Variants in FHDC1 observed in about 807,000 individuals in gnomAD.
FHDC1 encodes FH2 domain containing 1.
FHDC1 carries 25 observed loss-of-function variants against 52.6 expected under a neutral mutation model. The observed-to-expected ratio is 0.48, with a 90% CI of 0.35 to 0.66. The LOEUF (loss-of-function observed/expected upper bound fraction) is 0.66. Ranked by LOEUF, FHDC1 falls within the 30% of genes least tolerant of loss-of-function variation. The pLI is 0.01. For synonymous variants in FHDC1, 616 were observed against 581.5 expected (o/e 1.06, Z -0.85); for missense variants, 1,459 against 1,452.8 (o/e 1.00, Z -0.07).
the FHDC1 span, among the ~76,000 whole-genome samples, chr4:152,930,993 ACACACTCT>A: frequency 1.5e-3 from 210 of 143,308 alleles, 1 homozygote; most frequent in African/African-American, 4.8e-3. Flanking sequence ...ACACACACAC[ACACACTCT>A]CTCTCTCTCT....
the FHDC1 span, chr4:152,927,735 A>G: frequency 1.4e-6 from 2 of 1,443,194 alleles, no homozygotes; most frequent in East Asian, 2.3e-5. Context: ...TCTCGACAGC[A>G]GGAACTAATA....
At chr4:152,946,892 TAGAA>T (rs1361103559) in intron 2 of FHDC1, among the ~76,000 whole-genome samples, 1 of 152,086 alleles carries the variant, frequency 6.6e-6, no homozygotes, top group Non-Finnish European at 1.5e-5. Context: ...TGGCTGAACT[TAGAA>T]AGAACAACAC....
chr4:152,949,053 C>T (rs1038739384), intron 2 of FHDC1, among the ~76,000 whole-genome samples: 1 of 149,650 alleles, frequency 6.7e-6, no homozygotes, highest in African/African-American at 2.5e-5. Context: ...AGTGCCACTG[C>T]ACTCCAGCCT....
At chr4:152,952,108 T>C (rs1231954129) in intron 2 of FHDC1, among the ~76,000 whole-genome samples, 1 of 152,196 alleles carries the variant, frequency 6.6e-6, no homozygotes, top group Admixed American at 6.5e-5. Flanking sequence ...CGTTTTAAAA[T>C]TGTGAGTAAA....
At position 152,976,839 on chromosome 4, in the gene FHDC1, A is replaced by G; in HGVS notation, c.*116A>G. ...TACAGATAAAGCAGCCACTGGTGCCACTGCTAGTGACGCTGTTGGGATGGC... is the reference window on the plus strand; with the variant it reads ...TACAGATAAAGCAGCCACTGGTGCCGCTGCTAGTGACGCTGTTGGGATGGC... On this transcript the variant is annotated 3_prime_UTR_variant, in exon 12 of 12. Coordinates refer to ENST00000511601, the MANE Select transcript of FHDC1 (RefSeq NM_001371116.1). The G allele has an allele frequency of 7.6e-7, 1 of 1,311,200 alleles. No individual in the cohort carries two copies. The highest frequency in any genetic ancestry group is 1.5e-5 in the African/African-American group (1 of 67,350). The allele number at this position is 1,311,200 out of a possible 1,614,324, so 81.2% of individuals were successfully genotyped here. A position where few individuals can be genotyped will look rare whatever the true frequency, so the allele number is the denominator to read the frequency against.
At chr4:152,920,672 G>A in the FHDC1 span, among the ~76,000 whole-genome samples, 1 of 152,048 alleles carries the variant, frequency 6.6e-6, no homozygotes, top group Non-Finnish European at 1.5e-5. Flanking sequence ...TTAGTTGAAG[G>A]ATAGAGTTAT....
At chr4:152,944,484 C>T (rs961603374) in intron 2 of FHDC1, among the ~76,000 whole-genome samples, 1 of 152,172 alleles carries the variant, frequency 6.6e-6, no homozygotes, top group Non-Finnish European at 1.5e-5. Context: ...GAAAACAGGT[C>T]AAAGATGCAG....
chr4:152,922,558 A>G, the FHDC1 span, among the ~76,000 whole-genome samples: 1 of 151,182 alleles, frequency 6.6e-6, no homozygotes, highest in South Asian at 2.1e-4. Flanking sequence ...CAACCAAAAA[A>G]GAGAATTTTA....
chr4:152,930,644 G>A, the FHDC1 span, among the ~76,000 whole-genome samples: 3 of 152,230 alleles, frequency 2.0e-5, no homozygotes, highest in Non-Finnish European at 2.9e-5. Context: ...TAGTATTTCC[G>A]ACAAAAAGCT....
chr4:152,941,956 C>G (rs1412351270), intron 1 of FHDC1, among the ~76,000 whole-genome samples: 1 of 152,126 alleles, frequency 6.6e-6, no homozygotes, highest in African/African-American at 2.4e-5. Context: ...GTTCTCGTAT[C>G]TGAAGAAATT....
chr4:152,969,358 G>A (rs1740564917), intron 10 of FHDC1, among the ~76,000 whole-genome samples: 1 of 152,148 alleles, frequency 6.6e-6, no homozygotes, highest in Non-Finnish European at 1.5e-5. Context: ...CATGTGCTCT[G>A]TATTTTCCTT....
the FHDC1 span, among the ~76,000 whole-genome samples, chr4:152,921,004 T>C: frequency 6.6e-6 from 1 of 152,076 alleles, no homozygotes; most frequent in African/African-American, 2.4e-5. Flanking sequence ...TGGTTTGTCC[T>C]GAACATCCCT....
chr4:152,962,648 T>C (rs1740313298), intron 6 of FHDC1, among the ~76,000 whole-genome samples, 166 bp from the exon 7 acceptor site: 1 of 152,258 alleles, frequency 6.6e-6, no homozygotes, highest in East Asian at 1.9e-4. Context: ...AAATGATGTG[T>C]TAGGTATCCC....
In FHDC1 at chr4:152,976,707, A is replaced by G. The variant is rs371544781; in HGVS notation, c.3416A>G (p.Asn1139Ser). 64 of 1,488,028 alleles carry G rather than the reference A, an allele frequency of 4.3e-5. No individual in the cohort carries two copies. In the Admixed American group the frequency reaches 1.2e-3, roughly 27 times the overall value. 92.2% of individuals were successfully genotyped at this position (1,488,028 alleles called of 1,614,324 possible). The change falls in exon 12 of 12, where the codon AAT becomes AGT. Residue 1139 changes from asparagine to serine, a missense_variant. Asn to Ser is a conservative substitution (Grantham distance 46). Around this residue, in one of 3 missense-constraint regions of FHDC1, gnomAD observed 939 missense variants for 854.5 expected, o/e 1.10. Transcript: ENST00000511601. ...CGGACCACGCTGGGGAGAATCCTCA[A>G]TCCCTTACGGAAGTGATGGGTGCCT... Reference protein sequence around the residue: ...SSRTTLGRILNPLRK With the variant: ...SSRTTLGRILSPLRK
At chr4:152,942,516 G>C (rs188213463) in intron 1 of FHDC1, among the ~76,000 whole-genome samples, 2 of 152,264 alleles carry the variant, frequency 1.3e-5, no homozygotes, top group East Asian at 3.9e-4. Flanking sequence ...GTCCAGACTG[G>C]AAAAAGGTAG....
chr4:152,966,123 G>A (rs1740449195), intron 9 of FHDC1, among the ~76,000 whole-genome samples: 1 of 152,148 alleles, frequency 6.6e-6, no homozygotes, highest in Non-Finnish European at 1.5e-5. Context: ...ACTGTAATTA[G>A]TATAAAAATA....
chr4:152,969,975 C>G (rs1420273153), intron 10 of FHDC1, among the ~76,000 whole-genome samples: 1 of 152,158 alleles, frequency 6.6e-6, no homozygotes, highest in South Asian at 2.1e-4. Context: ...TCATTTTTAT[C>G]TCTATAAGTA....
the FHDC1 span, among the ~76,000 whole-genome samples, chr4:152,922,043 C>G: frequency 6.6e-6 from 1 of 152,032 alleles, no homozygotes; most frequent in African/African-American, 2.4e-5. Context: ...CACAAAAAAC[C>G]CTTCAAAAAA....
intron 4 of FHDC1, among the ~76,000 whole-genome samples, chr4:152,957,303 C>T (rs1740118413): frequency 6.6e-6 from 1 of 152,200 alleles, no homozygotes; most frequent in African/African-American, 2.4e-5. Context: ...GTGACTGAGC[C>T]TAGTGCCTGG....
Sources: gnomAD v4.1 joint callset for allele counts (sites outside exome capture counted in the v4.1 genomes callset) on GRCh38, gnomAD v4.1.1 for gene constraint, gnomAD v4.1.1 regional missense constraint, MANE v1.5 for transcripts, NCBI Gene and HGNC (gene_info 2026-07-23, HGNC 2026-07-21) for gene names.